PHAF1: variants seen among roughly 807,000 people sequenced by gnomAD.
The protein encoded by PHAF1 is phagosome assembly factor 1.
A neutral mutation model predicts 63.1 loss-of-function variants in PHAF1; 23 were observed. The observed-to-expected ratio is 0.36, with a 90% CI of 0.26 to 0.52. The LOEUF is 0.52. PHAF1 is among the 20% of genes least tolerant of loss of function. The pLI is 0.93. For synonymous variants in PHAF1, 167 were observed against 185.0 expected (o/e 0.90, Z 0.79); for missense variants, 427 against 517.2 (o/e 0.83, Z 1.69).
At chr16:67,133,519 A>C (rs1963487622) in intron 6 of PHAF1, among the ~76,000 whole-genome samples, 1 of 151,100 alleles carries the variant, frequency 6.6e-6, no homozygotes, top group African/African-American at 2.4e-5. Context: ...AAAAAAAAAA[A>C]AAACAGGCCG....
chr16:67,113,918 G>A (rs531562067), intron 1 of PHAF1, among the ~76,000 whole-genome samples: 150 of 151,898 alleles, frequency 9.9e-4, no homozygotes, highest in Non-Finnish European at 1.9e-3. Context: ...GACCAGGCTG[G>A]TCTCGAACTC....
At chr16:67,143,635 C>T (rs1437582633) in intron 10 of PHAF1, among the ~76,000 whole-genome samples, 1 of 152,114 alleles carries the variant, frequency 6.6e-6, no homozygotes, top group Non-Finnish European at 1.5e-5. Flanking sequence ...TACTGTGTGC[C>T]AGGCACTACT....
intron 2 of PHAF1, among the ~76,000 whole-genome samples, chr16:67,122,859 C>A (rs1243729002): frequency 1.3e-5 from 2 of 151,716 alleles, no homozygotes; most frequent in African/African-American, 4.8e-5. Context: ...CTCCCAAGTA[C>A]CTGCGATTAC....
intron 8 of PHAF1, among the ~76,000 whole-genome samples, chr16:67,137,084 G>C (rs988355004): frequency 5.9e-5 from 9 of 152,088 alleles, no homozygotes; most frequent in Non-Finnish European, 1.3e-4. Context: ...GAACCCAGGA[G>C]GTGGAGCTTG....
At chr16:67,118,431 A>G (rs1962841277) in intron 1 of PHAF1, among the ~76,000 whole-genome samples, 1 of 138,464 alleles carries the variant, frequency 7.2e-6, no homozygotes, top group Admixed American at 8.0e-5. Context: ...CTGCCTCCTG[A>G]GTTCAAGCAG....
intron 1 of PHAF1, among the ~76,000 whole-genome samples, chr16:67,119,611 C>G (rs1477115683): frequency 6.6e-6 from 1 of 151,670 alleles, no homozygotes; most frequent in African/African-American, 2.4e-5. Flanking sequence ...ACCTCCGCCT[C>G]CTGGGTTCAA....
chr16:67,119,632 T>C (rs1194572852), intron 1 of PHAF1, among the ~76,000 whole-genome samples: 5 of 151,566 alleles, frequency 3.3e-5, no homozygotes, highest in African/African-American at 9.7e-5. Flanking sequence ...GCATTTCTCC[T>C]GCCTCAGCCT....
intron 8 of PHAF1, among the ~76,000 whole-genome samples, chr16:67,137,390 C>T (rs1021065257): frequency 1.4e-4 from 22 of 152,220 alleles, no homozygotes; most frequent in African/African-American, 4.8e-4. Flanking sequence ...GTGATCTCAG[C>T]TCACTGCAAC....
rs573059769 is a variant in PHAF1 at position 67,121,358 on chromosome 16, A to AT, written c.147+1181dup. 3.3e-3 allele frequency among the ~76,000 whole-genome samples: 442 copies of AT among 133,018 alleles called. 1 individual carries two copies. The highest frequency in any genetic ancestry group is 0.01 in the East Asian group (46 of 4,542). The allele number at this position is 133,018 out of a possible 152,430, so 87.3% of individuals were successfully genotyped here. A position where few individuals can be genotyped will look rare whatever the true frequency, so the allele number is the denominator to read the frequency against. ...AGGCGCCCACCACCACACCCAGCTA[A>AT]TTTTTTTTTTTTTTTTTGTATTTTT... On this transcript the variant is annotated intron_variant, in intron 2 of 15. Transcript: ENST00000219139.
At chr16:67,133,704 C>G (rs369212597) in intron 6 of PHAF1, among the ~76,000 whole-genome samples, 1 of 150,668 alleles carries the variant, frequency 6.6e-6, no homozygotes, top group East Asian at 2.0e-4. Flanking sequence ...GGCGTGAACC[C>G]GGGAGGCGGA....
chr16:67,133,354 T>C (rs534813244), intron 6 of PHAF1, among the ~76,000 whole-genome samples: 214 of 152,134 alleles, frequency 1.4e-3, no homozygotes, highest in Middle Eastern at 6.8e-3. Flanking sequence ...CATTTTCCCC[T>C]ATGAAGAAAA....
At position 67,126,029 on chromosome 16, in the gene PHAF1, A is replaced by G. The variant is rs528433156; in HGVS notation, c.218A>G (p.Asn73Ser). 8 of 1,611,136 alleles carry G rather than the reference A, an allele frequency of 5.0e-6. No homozygotes were observed. The South Asian group carries it at 5.5e-5, about 11-fold the overall frequency. ...ATCAAACTAATGTTTGATGCTTTCA[A>G]TCAGAGACTTAAGGTAACTATAAAT... is the stretch of plus-strand genomic sequence containing the variant. ...DGIKLMFDAFNQRLKVIEVCD... is the reference protein window; with the variant it reads ...DGIKLMFDAFSQRLKVIEVCD... The change falls in exon 3 of 16, where the codon AAT becomes AGT. Residue 73 changes from asparagine to serine, a missense_variant. By Grantham distance (46) the Asn-to-Ser change is conservative. Transcript: ENST00000219139.
intron 1 of PHAF1, among the ~76,000 whole-genome samples, chr16:67,113,342 A>T (rs1962595920): frequency 1.3e-5 from 2 of 152,120 alleles, no homozygotes; most frequent in Non-Finnish European, 2.9e-5. Context: ...GGAAAGGAAA[A>T]CCTAGGCCAA....
chr16:67,112,086 C>T (rs1018222831), intron 1 of PHAF1, among the ~76,000 whole-genome samples: 1 of 152,152 alleles, frequency 6.6e-6, no homozygotes, highest in Admixed American at 6.5e-5. Flanking sequence ...TGCTGTTTGG[C>T]TTCTGGTTAA....
intron 3 of PHAF1, among the ~76,000 whole-genome samples, chr16:67,130,999 T>TC (rs1963370705): frequency 6.6e-6 from 1 of 152,142 alleles, no homozygotes; most frequent in Non-Finnish European, 1.5e-5. Flanking sequence ...ATGCTTGTAA[T>TC]CCCAGCACTT....
At chr16:67,113,148 A>C (rs970825066) in intron 1 of PHAF1, among the ~76,000 whole-genome samples, 3 of 152,216 alleles carry the variant, frequency 2.0e-5, no homozygotes, top group African/African-American at 7.2e-5. Flanking sequence ...CATATCCTGC[A>C]TGCCACTGCT....
At chr16:67,122,570 CAA>C (rs912852837) in intron 2 of PHAF1, among the ~76,000 whole-genome samples, 2,715 of 84,332 alleles carry the variant, frequency 0.032, 78 homozygotes, top group African/African-American at 0.079. Context: ...GACCCTGTCT[CAA>C]AAAAAAAAAA....
chr16:67,132,900 C>T lies in PHAF1; in HGVS notation c.439C>T (p.Pro147Ser). The change falls in exon 6 of 16, where the codon CCA becomes TCA. Residue 147 changes from proline (P) to serine (S), a missense_variant. Physicochemically the swap from Pro to Ser is moderately conservative, Grantham distance 74. Coordinates refer to ENST00000219139, the MANE Select transcript of PHAF1 (RefSeq NM_025187.5). ...TCAGTTAGACTCATGGACTGAGGCT[C>T]CAAAGTATGAGGTTAGCCCTTCCTG... ...SFQLDSWTEAPKYEPNFAHGL... is the reference protein window; with the variant it reads ...SFQLDSWTEASKYEPNFAHGL... 2 of 1,609,008 alleles carry T rather than the reference C, an allele frequency of 1.2e-6. No individual in the cohort carries two copies. The highest frequency in any genetic ancestry group is 1.7e-6 in the Non-Finnish European group (2 of 1,175,334).
rs542435438 is a variant in PHAF1 at position 67,121,133 on chromosome 16, T to C, written c.147+939T>C. Among the ~76,000 whole-genome samples the C allele has an allele frequency of 1.2e-3, 181 of 152,116 alleles. 3 individuals carry two copies. Among genetic ancestry groups the C allele is most frequent in the Non-Finnish European group, 1.5e-3 (105 of 67,988 alleles). ...TGCCTATGACAGAACAGGAGACTTG[T>C]AGGAGTGGGCATGTGGTGCCTATGA... On this transcript the variant is annotated intron_variant, in intron 2 of 15. Coordinates refer to ENST00000219139, the MANE Select transcript of PHAF1 (RefSeq NM_025187.5).
Sources: allele counts gnomAD v4.1 joint callset (sites outside exome capture counted in the v4.1 genomes callset), GRCh38; gene constraint gnomAD v4.1.1; transcripts MANE v1.5; gene names NCBI Gene and HGNC (gene_info 2026-07-23, HGNC 2026-07-21).